The following GABRA6 variants were observed in gnomAD, a reference collection of about 807,000 sequenced individuals.
GABRA6 encodes the protein gamma-aminobutyric acid receptor subunit alpha-6.
GABRA6 carries 45 observed loss-of-function variants against 47.3 expected under a neutral mutation model. That is an observed-to-expected ratio of 0.95 (90% CI 0.75 to 1.22). GABRA6 has a LOEUF of 1.22. Ranked by LOEUF, GABRA6 falls within the 50% of genes most tolerant of loss-of-function variation. The pLI is 0.00. For synonymous variants in GABRA6, 219 were observed against 194.7 expected (o/e 1.12, Z -1.04); for missense variants, 583 against 549.3 (o/e 1.06, Z -0.61).
chr5:161,686,274 A>T lies in GABRA6; in HGVS notation c.83A>T (p.Tyr28Phe). Residue 28 changes from tyrosine to phenylalanine, a missense_variant, in exon 2 of 9, where the codon TAC (tyrosine) becomes TTC (phenylalanine). By Grantham distance (22) the Tyr-to-Phe change is conservative. Transcript: ENST00000274545. The stretch of plus-strand genomic sequence containing the variant: ...AAACTCGAAGTTGAAGGCAACTTCT[A>T]CTCAGAAAACGTCAGTCGGATCCTG... Reference protein sequence around the residue: ...LGKLEVEGNFYSENVSRILDN... With the variant: ...LGKLEVEGNFFSENVSRILDN... 1 of 1,614,080 alleles carries T rather than the reference A, an allele frequency of 6.2e-7. No individual in the cohort carries two copies. The highest frequency in any genetic ancestry group is 8.5e-7 in the Non-Finnish European group (1 of 1,179,950).
intron 5 of GABRA6, 134 bp from the exon 6 acceptor site, chr5:161,689,502 G>C: frequency 2.9e-6 from 3 of 1,051,064 alleles, no homozygotes; most frequent in Non-Finnish European, 4.3e-6. Flanking sequence ...TGAGGCTTTA[G>C]TCACCAAGAT....
At chr5:161,686,876 G>A in intron 2 of GABRA6, 60 bp from the exon 3 acceptor site, 1 of 1,426,268 alleles carries the variant, frequency 7.0e-7, no homozygotes, top group Non-Finnish European at 9.9e-7. Context: ...GTAGAGGGCT[G>A]AGATCAATCC....
At chr5:161,700,521 A>G (rs1043633833) in intron 8 of GABRA6, among the ~76,000 whole-genome samples, 1 of 152,228 alleles carries the variant, frequency 6.6e-6, no homozygotes, top group Non-Finnish European at 1.5e-5. Context: ...AACTAGGCCC[A>G]ATACTTTAGA....
chr5:161,692,181 T>C lies in GABRA6; in HGVS notation c.1067T>C (p.Leu356Ser), dbSNP rs142221692. Reference protein sequence around the residue: ...TVTISKATEPLEAEIVLHPDS... With the variant: ...TVTISKATEPSEAEIVLHPDS... Reference sequence around the variant, plus strand: ...ACAATATCAAAAGCTACTGAACCTTTGGAAGCTGAGATTGTTTTGGTAATT... The same window carrying C: ...ACAATATCAAAAGCTACTGAACCTTCGGAAGCTGAGATTGTTTTGGTAATT... Residue 356 changes from leucine (L) to serine (S), a missense_variant, in exon 8 of 9, where the codon TTG becomes TCG. Coordinates refer to ENST00000274545, the MANE Select transcript of GABRA6 (RefSeq NM_000811.3). 6.3e-5 allele frequency: 102 copies of C among 1,614,224 alleles called. No homozygotes were observed. Among genetic ancestry groups the C allele is most frequent in the South Asian group, 1.4e-4 (13 of 91,090 alleles).
Position 161,689,292 on chromosome 5 carries a change from A to T in GABRA6, c.485A>T (p.Asn162Ile). 3 of 1,614,062 alleles carry T rather than the reference A, an allele frequency of 1.9e-6. No individual in the cohort carries two copies. Among genetic ancestry groups the T allele is most frequent in the Non-Finnish European group, 2.5e-6 (3 of 1,179,942 alleles). The change falls in exon 5 of 9, where the codon AAC (asparagine) becomes ATC (isoleucine). Residue 162 changes from asparagine (N) to isoleucine (I), a missense_variant. Asn to Ile is a moderately radical substitution (Grantham distance 149). Transcript: ENST00000274545. Reference protein sequence around the residue: ...INADCPMRLVNFPMDGHACPL... With the variant: ...INADCPMRLVIFPMDGHACPL... ...GCTGACTGTCCCATGAGGCTGGTTA[A>T]CTTTCCTATGGATGGGCATGCTTGT...
chr5:161,692,610 T>C (rs1400627856), intron 8 of GABRA6, among the ~76,000 whole-genome samples: 1 of 152,238 alleles, frequency 6.6e-6, no homozygotes, highest in Non-Finnish European at 1.5e-5. Context: ...ACAATTTTTG[T>C]TATAAATCTG....
intron 7 of GABRA6, among the ~76,000 whole-genome samples, chr5:161,691,288 C>CTTTTTTT (rs1160422481): frequency 1.3e-3 from 106 of 84,716 alleles, no homozygotes; most frequent in Non-Finnish European, 1.6e-3. Flanking sequence ...TTTTTCTTTC[C>CTTTTTTT]TTTTTTTTTT....
At chr5:161,699,751 T>C (rs966341975) in intron 8 of GABRA6, among the ~76,000 whole-genome samples, 1 of 151,988 alleles carries the variant, frequency 6.6e-6, no homozygotes, top group African/African-American at 2.4e-5. Flanking sequence ...TCAGCCACCA[T>C]GCACAGCCCA....
In GABRA6 at chr5:161,701,485, C is replaced by CT. The variant is rs756784473; in HGVS notation, c.1087-7dup. 1 of 1,613,734 alleles carries CT rather than the reference C, an allele frequency of 6.2e-7. No homozygotes were observed. The highest frequency in any genetic ancestry group is 2.2e-5 in the East Asian group (1 of 44,876). On this transcript the variant is annotated splice_polypyrimidine_tract_variant and intron_variant, in intron 8 of 8. Transcript: ENST00000274545. ...TCTTTCATTTGGGCTTAATATTTGT[C>CT]TTTTTTCCACAGCATCCTGACTCCA...
At chr5:161,689,440 C>G in intron 5 of GABRA6, 104 bp downstream of exon 5, 1 of 1,104,616 alleles carries the variant, frequency 9.1e-7, no homozygotes, top group South Asian at 1.3e-5. Context: ...AATCATGACA[C>G]TATCAGTGTG....
At chr5:161,689,461 T>C in intron 5 of GABRA6, 125 bp downstream of exon 5, 1 of 1,040,012 alleles carries the variant, frequency 9.6e-7, no homozygotes, top group Non-Finnish European at 1.5e-6. Flanking sequence ...ATTCTAGGAA[T>C]ATACTTAATC....
At chr5:161,688,333 C>T (rs903891597) in intron 3 of GABRA6, among the ~76,000 whole-genome samples, 5 of 152,120 alleles carry the variant, frequency 3.3e-5, no homozygotes, top group African/African-American at 9.7e-5. Context: ...CATTTTAATG[C>T]TATTTCATAA....
At chr5:161,686,102 C>G (rs1273489243) in intron 1 of GABRA6, 75 bp downstream of exon 1, 2 of 1,465,802 alleles carry the variant, frequency 1.4e-6, no homozygotes, top group African/African-American at 1.4e-5. Flanking sequence ...TTGGGTGACT[C>G]CTATATCAAA....
chr5:161,699,646 T>C (rs967831232), intron 8 of GABRA6, among the ~76,000 whole-genome samples: 1 of 150,880 alleles, frequency 6.6e-6, no homozygotes, highest in Non-Finnish European at 1.5e-5. Flanking sequence ...GTATTTCTAA[T>C]AGAGACGGGG....
chr5:161,689,461 T>A, intron 5 of GABRA6, 125 bp downstream of exon 5: 1 of 1,040,012 alleles, frequency 9.6e-7, no homozygotes. Flanking sequence ...ATTCTAGGAA[T>A]ATACTTAATC....
Position 161,686,937 on chromosome 5 carries a change from T to C in GABRA6, c.159T>C (p.Gly53=). The part of the protein sequence containing the change: ...YDNRLRPGFG[G]AVTEVKTDIY... ...TTCATCCCTCTGGGCTAATTTCAGGTGCTGTCACTGAAGTCAAAACAGACA... is the reference window on the plus strand; with the variant it reads ...TTCATCCCTCTGGGCTAATTTCAGGCGCTGTCACTGAAGTCAAAACAGACA... Residue 53 remains glycine (G), a splice_region_variant and synonymous_variant, in exon 3 of 9, where the codon GGT becomes GGC. Transcript: ENST00000274545. 6.2e-7 allele frequency: 1 copy of C among 1,613,876 alleles called. No homozygotes were observed. The highest frequency in any genetic ancestry group is 8.5e-7 in the Non-Finnish European group (1 of 1,179,784).
Position 161,686,317 on chromosome 5 carries a change from C to G in GABRA6, c.126C>G (p.Gly42=). The change falls in exon 2 of 9, where the codon GGC becomes GGG. Residue 42 remains glycine (G), a synonymous_variant. Coordinates refer to ENST00000274545, the MANE Select transcript of GABRA6 (RefSeq NM_000811.3). ...VSRILDNLLE[G]YDNRLRPGFG... ...GGATCCTGGACAACTTGCTTGAAGG[C>G]TATGACAATCGGCTGCGGCCGGGAT... The G allele has an allele frequency of 2.5e-6, 4 of 1,613,984 alleles. No homozygotes were observed. The highest frequency in any genetic ancestry group is 3.4e-6 in the Non-Finnish European group (4 of 1,179,842).
intron 7 of GABRA6, 25 bp downstream of exon 7, chr5:161,690,378 C>A (rs558457715): frequency 1.9e-6 from 3 of 1,604,262 alleles, no homozygotes; most frequent in Non-Finnish European, 2.6e-6. Flanking sequence ...TTGTACTTCA[C>A]GTACATTCAT....
At chr5:161,686,769 C>A (rs1026326818) in intron 2 of GABRA6, among the ~76,000 whole-genome samples, 167 bp from the exon 3 acceptor site, 2 of 152,184 alleles carry the variant, frequency 1.3e-5, no homozygotes, top group African/African-American at 4.8e-5. Context: ...AGGCCACTGA[C>A]ATGAGTTTTC....
Sources: gnomAD v4.1 joint callset for allele counts (sites outside exome capture counted in the v4.1 genomes callset) on GRCh38, gnomAD v4.1.1 for gene constraint, MANE v1.5 for transcripts, NCBI Gene and HGNC (gene_info 2026-07-23, HGNC 2026-07-21) for gene names.